Variants in TMEM232 observed in about 807,000 individuals in gnomAD.
TMEM232 encodes transmembrane protein 232.
A neutral mutation model predicts 78.8 loss-of-function variants in TMEM232; 80 were observed. The observed-to-expected ratio is 1.01, with a 90% CI of 0.85 to 1.22. The LOEUF is 1.22. TMEM232 is among the 50% of genes most tolerant of loss of function. TMEM232 has a pLI of 0.00. For missense variants in TMEM232, 881 were observed against 742.2 expected (o/e 1.19, Z -2.17); for synonymous variants, 297 against 254.3 (o/e 1.17, Z -1.60).
At chr5:110,648,296 C>A (rs569897167) in intron 2 of TMEM232, among the ~76,000 whole-genome samples, 5 of 151,980 alleles carry the variant, frequency 3.3e-5, no homozygotes, top group African/African-American at 9.7e-5. Context: ...TCACAAACTG[C>A]GTGTGGTTGT....
chr5:110,598,676 C>T (rs373328843), intron 10 of TMEM232, among the ~76,000 whole-genome samples: 1 of 151,868 alleles, frequency 6.6e-6, no homozygotes, highest in Non-Finnish European at 1.5e-5. Flanking sequence ...GAATACTATG[C>T]AGCCATAAAA....
chr5:110,604,841 C>G (rs1176350247), intron 10 of TMEM232, among the ~76,000 whole-genome samples: 1 of 151,956 alleles, frequency 6.6e-6, no homozygotes, highest in African/African-American at 2.4e-5. Flanking sequence ...GCCTGTAGTC[C>G]CAGCTACTCA....
intron 12 of TMEM232, among the ~76,000 whole-genome samples, chr5:110,480,491 T>TGTTTG (rs1301078200): frequency 1.3e-5 from 2 of 152,018 alleles, no homozygotes; most frequent in Non-Finnish European, 2.9e-5. Flanking sequence ...ATTTAGATTT[T>TGTTTG]GTTTGGTTTG....
intron 12 of TMEM232, among the ~76,000 whole-genome samples, chr5:110,493,558 T>C (rs557989361): frequency 6.6e-6 from 1 of 152,214 alleles, no homozygotes; most frequent in East Asian, 1.9e-4. Context: ...GCAATATATA[T>C]GGCATTGGCT....
chr5:110,477,355 C>T (rs970603218), intron 12 of TMEM232, among the ~76,000 whole-genome samples: 52 of 151,816 alleles, frequency 3.4e-4, no homozygotes, highest in Admixed American at 3.2e-3. Flanking sequence ...TTACTGATAT[C>T]AACTACTATT....
intron 10 of TMEM232, among the ~76,000 whole-genome samples, chr5:110,595,461 TAG>T (rs1360175985): frequency 6.6e-6 from 1 of 152,114 alleles, no homozygotes; most frequent in African/African-American, 2.4e-5. Flanking sequence ...AAAAGGTGGG[TAG>T]TAACAAACTC....
chr5:110,687,039 C>T (rs558380152), intron 1 of TMEM232, among the ~76,000 whole-genome samples: 1 of 152,192 alleles, frequency 6.6e-6, no homozygotes, highest in East Asian at 1.9e-4. Flanking sequence ...TTTCATTCTC[C>T]CAGATCAGGA....
At chr5:110,697,964 G>A (rs1451684253) in intron 1 of TMEM232, among the ~76,000 whole-genome samples, 5 of 152,138 alleles carry the variant, frequency 3.3e-5, no homozygotes, top group Admixed American at 6.6e-5. Flanking sequence ...TATAAATCAT[G>A]CTGCTATAAA....
chr5:110,625,799 T>C (rs1784353235), intron 6 of TMEM232, among the ~76,000 whole-genome samples: 2 of 146,808 alleles, frequency 1.4e-5, no homozygotes, highest in South Asian at 4.2e-4. Context: ...AAGAAATCAA[T>C]GTCATTGATT....
intron 1 of TMEM232, among the ~76,000 whole-genome samples, chr5:110,719,842 G>C (rs11960543): frequency 0.019 from 2,915 of 152,024 alleles, 85 homozygotes; most frequent in African/African-American, 0.067. Context: ...TGTGTTACAT[G>C]CCAGCCCATT....
intron 11 of TMEM232, among the ~76,000 whole-genome samples, chr5:110,549,605 CAAA>C (rs1209595068): frequency 4.4e-5 from 2 of 45,432 alleles, no homozygotes; most frequent in Admixed American, 2.5e-4. Context: ...GTCCCTGTCT[CAAA>C]AAAAAAAAAA....
intron 2 of TMEM232, among the ~76,000 whole-genome samples, chr5:110,400,286 T>C (rs1012408241): frequency 1.3e-5 from 2 of 152,154 alleles, no homozygotes; most frequent in Non-Finnish European, 1.5e-5. Flanking sequence ...ATTCTTCATA[T>C]GACAGTTTTC....
At chr5:110,469,121 A>C (rs1762396105) in intron 12 of TMEM232, among the ~76,000 whole-genome samples, 1 of 152,186 alleles carries the variant, frequency 6.6e-6, no homozygotes, top group African/African-American at 2.4e-5. Context: ...AGTCCAGCTA[A>C]GGGAGCTGTC....
At chr5:110,512,376 G>GA (rs1265798563) in intron 12 of TMEM232, among the ~76,000 whole-genome samples, 1 of 152,128 alleles carries the variant, frequency 6.6e-6, no homozygotes, top group Non-Finnish European at 1.5e-5. Flanking sequence ...ACGAGCAGTA[G>GA]TTCTAGACAA....
intron 12 of TMEM232, among the ~76,000 whole-genome samples, chr5:110,524,343 AAGAG>A (rs142059036): frequency 8.8e-5 from 12 of 136,604 alleles, no homozygotes; most frequent in Non-Finnish European, 9.2e-5. Flanking sequence ...GAGAAAAAGA[AAGAG>A]AAAGAAAGAA....
chr5:110,621,609 C>A (rs1032489564), intron 7 of TMEM232, among the ~76,000 whole-genome samples: 1 of 152,036 alleles, frequency 6.6e-6, no homozygotes, highest in Non-Finnish European at 1.5e-5. Flanking sequence ...TAGGAGAGAT[C>A]TTTTACCACA....
chr5:110,484,228 C>T (rs536190258), intron 12 of TMEM232, among the ~76,000 whole-genome samples: 2 of 152,148 alleles, frequency 1.3e-5, no homozygotes, highest in African/African-American at 2.4e-5. Context: ...ATGACAGAAT[C>T]GTTTGTATGC....
intron 11 of TMEM232, among the ~76,000 whole-genome samples, chr5:110,557,170 A>T (rs1241592028): frequency 6.6e-6 from 1 of 152,128 alleles, no homozygotes; most frequent in Non-Finnish European, 1.5e-5. Context: ...TTTGCTGTTA[A>T]TATTTCTGAT....
chr5:110,418,144 T>TC (rs148094384), downstream of TMEM232: 49 of 152,322 alleles, frequency 3.2e-4, 1 homozygote, highest in East Asian at 8.7e-3. Context: ...CAGTGTTATT[T>TC]CTATGTTCCC....
Sources: gnomAD v4.1 joint callset for allele counts (sites outside exome capture counted in the v4.1 genomes callset) on GRCh38, gnomAD v4.1.1 for gene constraint, MANE v1.5 for transcripts, NCBI Gene and HGNC (gene_info 2026-07-23, HGNC 2026-07-21) for gene names.